SLC16A10: variants seen among roughly 807,000 people sequenced by gnomAD.
The protein encoded by SLC16A10 is solute carrier family 16 member 10.
Under a neutral mutation model 40.0 loss-of-function variants are expected in SLC16A10, and 27 were observed. That is an observed-to-expected ratio of 0.67 (90% CI 0.50 to 0.93). SLC16A10 has a LOEUF of 0.93. SLC16A10 is among the 40% of genes least tolerant of loss of function. The pLI is 0.00. For missense variants in SLC16A10, 529 were observed against 658.2 expected (o/e 0.80, Z 2.15); for synonymous variants, 213 against 249.8 (o/e 0.85, Z 1.39).
At chr6:111,159,771 T>C (rs1169341406) in intron 1 of SLC16A10, among the ~76,000 whole-genome samples, 2 of 152,218 alleles carry the variant, frequency 1.3e-5, no homozygotes, top group East Asian at 3.8e-4. Context: ...AGTAGCAGTA[T>C]GTGAAAGTTC....
At chr6:111,221,191 A>G (rs763106933) in intron 5 of SLC16A10, among the ~76,000 whole-genome samples, 47 of 152,224 alleles carry the variant, frequency 3.1e-4, no homozygotes, top group African/African-American at 7.2e-5. Flanking sequence ...TTTTAAAACC[A>G]TGAGTCCTGG....
At chr6:111,125,038 G>A (rs1771650687) in intron 1 of SLC16A10, among the ~76,000 whole-genome samples, 1 of 152,136 alleles carries the variant, frequency 6.6e-6, no homozygotes, top group South Asian at 2.1e-4. Flanking sequence ...GCTATAATGG[G>A]ACGGTGAAAT....
chr6:111,128,791 A>C (rs928173776), intron 1 of SLC16A10, among the ~76,000 whole-genome samples: 2 of 152,062 alleles, frequency 1.3e-5, no homozygotes, highest in Non-Finnish European at 2.9e-5. Context: ...TAATTATAAA[A>C]ATTTGTAAAT....
intron 3 of SLC16A10, among the ~76,000 whole-genome samples, chr6:111,192,543 C>T (rs911372916): frequency 6.6e-6 from 1 of 152,176 alleles, no homozygotes; most frequent in East Asian, 1.9e-4. Context: ...AAAGTTGCTT[C>T]CACATTTTTG....
At position 111,215,135 on chromosome 6, in the gene SLC16A10, T is replaced by G. The variant is rs890096605; in HGVS notation, c.1087-3679T>G. Reference sequence around the variant, plus strand: ...CTCCATCTCAAAAAAATAAAAAAAATAAAAAAAAGAAATATTATGCTCAAA... The same window carrying G: ...CTCCATCTCAAAAAAATAAAAAAAAGAAAAAAAAGAAATATTATGCTCAAA... On this transcript the variant is annotated intron_variant, in intron 4 of 5. Coordinates refer to ENST00000368851, the MANE Select transcript of SLC16A10 (RefSeq NM_018593.5). Among the ~76,000 whole-genome samples the G allele has an allele frequency of 5.3e-5, 8 of 150,980 alleles. No individual in the cohort carries two copies. The East Asian group carries it at 9.7e-4, about 18-fold the overall frequency.
intron 4 of SLC16A10, among the ~76,000 whole-genome samples, chr6:111,217,902 C>T (rs1770796609): frequency 6.6e-6 from 1 of 152,118 alleles, no homozygotes; most frequent in African/African-American, 2.4e-5. Context: ...TCCATCTTTC[C>T]ATAACCCAAG....
At chr6:111,203,752 A>AAAT (rs66737466) in intron 3 of SLC16A10, among the ~76,000 whole-genome samples, 16 of 77,666 alleles carry the variant, frequency 2.1e-4, no homozygotes, top group East Asian at 1.0e-3. Flanking sequence ...ATAAATAAAT[A>AAAT]AAATAATGCC....
At position 111,226,419 on chromosome 6, in the gene SLC16A10, A is replaced by G. The variant is rs1240762044; in HGVS notation, c.*4184A>G. ...GAGTAAATTCCCAGAGTTTAGAGAT[A>G]CAAGTAGAAATGCATAAGCTAATTA... On this transcript the variant is annotated 3_prime_UTR_variant, in exon 6 of 6. Coordinates refer to ENST00000368851, the MANE Select transcript of SLC16A10 (RefSeq NM_018593.5). 1 of 152,194 alleles carries G rather than the reference A, an allele frequency of 6.6e-6. No individual in the cohort carries two copies. The highest frequency in any genetic ancestry group is 1.5e-5 in the Non-Finnish European group (1 of 68,036). 9.4% of individuals were successfully genotyped at this position (152,194 alleles called of 1,614,324 possible). A position where few individuals can be genotyped will look rare whatever the true frequency, so the allele number is the denominator to read the frequency against.
At position 111,130,922 on chromosome 6, in the gene SLC16A10, T is replaced by A. The variant is rs193114687; in HGVS notation, c.344-41773T>A. Reference sequence around the variant, plus strand: ...CAATCTCTCTGTGCCTTAATTTTCTTAGGTATAAAGCAGATACTAATTATG... The same window carrying A: ...CAATCTCTCTGTGCCTTAATTTTCTAAGGTATAAAGCAGATACTAATTATG... On this transcript the variant is annotated intron_variant, in intron 1 of 5. Transcript: ENST00000368851. 1.2e-3 allele frequency among the ~76,000 whole-genome samples: 178 copies of A among 152,366 alleles called. 1 individual carries two copies. Among genetic ancestry groups the A allele is most frequent in the Non-Finnish European group, 1.6e-3 (112 of 68,038 alleles).
chr6:111,203,417 C>T (rs182576255), intron 3 of SLC16A10, among the ~76,000 whole-genome samples: 1 of 152,164 alleles, frequency 6.6e-6, no homozygotes, highest in Admixed American at 6.5e-5. Flanking sequence ...ATAATCATGG[C>T]AGTAACAAAA....
Position 111,228,420 on chromosome 6 carries a change from G to C in SLC16A10, c.*6185G>C, listed in dbSNP as rs1167606136. The stretch of plus-strand genomic sequence containing the variant: ...CCAGTCTACCCAAAGAAGTTGCTTT[G>C]CCTTTCAATATGAGTGCTATAAAAA... On this transcript the variant is annotated 3_prime_UTR_variant, in exon 6 of 6. Transcript: ENST00000368851. 1 of 152,174 alleles carries C rather than the reference G, an allele frequency of 6.6e-6. No individual in the cohort carries two copies. Among genetic ancestry groups the C allele is most frequent in the Non-Finnish European group, 1.5e-5 (1 of 68,030 alleles). The allele number at this position is 152,174 out of a possible 1,614,324, so 9.4% of individuals were successfully genotyped here. A position where few individuals can be genotyped will look rare whatever the true frequency, so the allele number is the denominator to read the frequency against.
At chr6:111,155,710 T>C (rs1772258824) in intron 1 of SLC16A10, among the ~76,000 whole-genome samples, 1 of 152,238 alleles carries the variant, frequency 6.6e-6, no homozygotes, top group South Asian at 2.1e-4. Flanking sequence ...TATGTAAGTA[T>C]GCTCAGCATG....
intron 1 of SLC16A10, among the ~76,000 whole-genome samples, chr6:111,093,631 A>G (rs1203522398): frequency 1.3e-5 from 2 of 152,230 alleles, no homozygotes; most frequent in Non-Finnish European, 2.9e-5. Flanking sequence ...TGTTTTGTTT[A>G]GTAGGAAAAG....
intron 1 of SLC16A10, among the ~76,000 whole-genome samples, chr6:111,149,932 C>G (rs1772143867): frequency 1.3e-5 from 2 of 151,330 alleles, no homozygotes; most frequent in African/African-American, 4.8e-5. Flanking sequence ...CCTCACCACC[C>G]ATTACTTTGT....
chr6:111,127,263 G>C (rs1771691299), intron 1 of SLC16A10, among the ~76,000 whole-genome samples: 1 of 152,198 alleles, frequency 6.6e-6, no homozygotes, highest in Non-Finnish European at 1.5e-5. Flanking sequence ...TGCTTGAGAA[G>C]GGTGCTAGTT....
At chr6:111,187,261 TATC>T (rs1337613014) in intron 3 of SLC16A10, among the ~76,000 whole-genome samples, 2 of 152,206 alleles carry the variant, frequency 1.3e-5, no homozygotes, top group African/African-American at 4.8e-5. Context: ...AAATGGGCAA[TATC>T]AGGGCTTCTA....
At chr6:111,221,941 G>A in intron 5 of SLC16A10, 62 bp from the exon 6 acceptor site, 1 of 1,493,796 alleles carries the variant, frequency 6.7e-7, no homozygotes, top group Non-Finnish European at 9.0e-7. Flanking sequence ...TCCTGTGGCT[G>A]ATCTAGACCC....
At chr6:111,200,414 A>T (rs1197274119) in intron 3 of SLC16A10, among the ~76,000 whole-genome samples, 1 of 152,146 alleles carries the variant, frequency 6.6e-6, no homozygotes, top group African/African-American at 2.4e-5. Flanking sequence ...GTGTAAAGGG[A>T]TTAATTTTAT....
chr6:111,100,528 A>G (rs1239013573), intron 1 of SLC16A10, among the ~76,000 whole-genome samples: 1 of 152,066 alleles, frequency 6.6e-6, no homozygotes, highest in East Asian at 1.9e-4. Context: ...AGCTAGGATT[A>G]CAGGCATGCA....
Sources: allele counts gnomAD v4.1 joint callset (sites outside exome capture counted in the v4.1 genomes callset), GRCh38; gene constraint gnomAD v4.1.1; transcripts MANE v1.5; gene names NCBI Gene and HGNC (gene_info 2026-07-23, HGNC 2026-07-21).